Variants in ZFHX3 observed in about 807,000 individuals in gnomAD.
ZFHX3 encodes the protein zinc finger homeobox 3.
ZFHX3 carries 42 observed loss-of-function variants against 279.1 expected under a neutral mutation model. That is an observed-to-expected ratio of 0.15 (90% CI 0.12 to 0.19). The LOEUF (loss-of-function observed/expected upper bound fraction) is 0.19. Ranked by LOEUF, ZFHX3 falls within the 10% of genes least tolerant of loss-of-function variation. ZFHX3 has a pLI of 1.00. For synonymous variants in ZFHX3, 2,293 were observed against 1,957.8 expected (o/e 1.17, Z -4.52); for missense variants, 4,981 against 4,754.0 (o/e 1.05, Z -1.40).
At chr16:73,250,456 C>T (rs999961448) in intron 5 of ZFHX3, among the ~76,000 whole-genome samples, 1 of 152,106 alleles carries the variant, frequency 6.6e-6, no homozygotes, top group Non-Finnish European at 1.5e-5. Flanking sequence ...TTTAATTTTA[C>T]AATTCAGTGG....
At chr16:73,613,111 G>C (rs2052264249) in intron 2 of ZFHX3, among the ~76,000 whole-genome samples, 1 of 152,138 alleles carries the variant, frequency 6.6e-6, no homozygotes, top group Non-Finnish European at 1.5e-5. Context: ...TATTTATATA[G>C]TGAAAATTAA....
intron 2 of ZFHX3, among the ~76,000 whole-genome samples, chr16:73,614,501 G>C (rs1223452005): frequency 6.6e-6 from 1 of 152,102 alleles, no homozygotes; most frequent in East Asian, 1.9e-4. Context: ...AAAATGAAAA[G>C]ATTCCACGGG....
intron 4 of ZFHX3, among the ~76,000 whole-genome samples, chr16:72,879,694 G>C (rs189660856): frequency 6.6e-6 from 1 of 152,304 alleles, no homozygotes; most frequent in African/African-American, 2.4e-5. Context: ...CCAAAGTGCT[G>C]GATTACAGGT....
chr16:73,130,904 G>C, intron 7 of ZFHX3: 1 of 1,264,078 alleles, frequency 7.9e-7, no homozygotes, highest in South Asian at 1.3e-5. Context: ...CAACACGCTG[G>C]GCCCAGACAG....
chr16:73,042,188 C>T (rs933188055), intron 1 of ZFHX3, among the ~76,000 whole-genome samples: 2 of 152,106 alleles, frequency 1.3e-5, no homozygotes, highest in Non-Finnish European at 2.9e-5. Flanking sequence ...ACTTATATGA[C>T]TTTTTCAGGG....
At chr16:73,784,849 A>G (rs1427206242) in intron 1 of ZFHX3, among the ~76,000 whole-genome samples, 1 of 149,926 alleles carries the variant, frequency 6.7e-6, no homozygotes, top group African/African-American at 2.4e-5. Flanking sequence ...ATAGTCTGAA[A>G]AAGCCAAGCA....
intron 4 of ZFHX3, among the ~76,000 whole-genome samples, chr16:72,854,615 G>A (rs9940385): frequency 0.032 from 4,886 of 152,224 alleles, 278 homozygotes; most frequent in African/African-American, 0.11. Context: ...AATAAGGGGG[G>A]AGGGACAAAC....
rs371525342 is a variant in ZFHX3 at position 73,439,546 on chromosome 16, C to G, written c.-1291+16457G>C. ...CTGAGCTGCTTACCGATGCTACACT[C>G]TTTCACTCCCTGTGTGATGTATGAA... On this transcript the variant is annotated intron_variant, in intron 3 of 17. Coordinates refer to the ZFHX3 transcript ENST00000641206. Among the ~76,000 whole-genome samples, 57 of 152,258 alleles carry G rather than the reference C, an allele frequency of 3.7e-4. 1 individual carries two copies. Among genetic ancestry groups the G allele is most frequent in the African/African-American group, 1.3e-3 (56 of 41,542 alleles).
intron 3 of ZFHX3, among the ~76,000 whole-genome samples, chr16:73,348,209 A>G (rs184859483): frequency 6.6e-6 from 1 of 152,310 alleles, no homozygotes; most frequent in Non-Finnish European, 1.5e-5. Context: ...GACATACTCC[A>G]TGTAATTACA....
chr16:73,499,862 G>C (rs2019204965), intron 2 of ZFHX3: 1 of 152,132 alleles, frequency 6.6e-6, no homozygotes, highest in Admixed American at 6.5e-5. Flanking sequence ...AATTTCCTAT[G>C]GCCCAGTCAC....
rs766393393 is a variant in ZFHX3, at chr16:73,542,923, G to A, written c.-1546-86665C>T. Among the ~76,000 whole-genome samples, 3 of 152,092 alleles carry A rather than the reference G, an allele frequency of 2.0e-5. No homozygotes were observed. The East Asian group carries it at 5.8e-4, about 29-fold the overall frequency. Reference sequence around the variant, plus strand: ...TCACTCTGTTGTGTAAATTTTGGGGGAAATGTATTCCTAACCCCTGGCTCC... The same window carrying A: ...TCACTCTGTTGTGTAAATTTTGGGGAAAATGTATTCCTAACCCCTGGCTCC... On this transcript the variant is annotated intron_variant, in intron 2 of 17. Coordinates refer to the ZFHX3 transcript ENST00000641206.
At chr16:73,132,179 G>A (rs893421035) in intron 6 of ZFHX3, among the ~76,000 whole-genome samples, 1 of 152,114 alleles carries the variant, frequency 6.6e-6, no homozygotes, top group Admixed American at 6.5e-5. Context: ...CAGCTACTCC[G>A]GAGGCTGATG....
At chr16:72,911,803 G>A (rs567416898) in intron 3 of ZFHX3, among the ~76,000 whole-genome samples, 51 of 152,334 alleles carry the variant, frequency 3.3e-4, no homozygotes, top group African/African-American at 1.1e-3. Context: ...GAAAGTTCTA[G>A]TGGACGGTGC....
chr16:73,139,948 C>T (rs1437953205), intron 6 of ZFHX3, among the ~76,000 whole-genome samples: 1 of 152,164 alleles, frequency 6.6e-6, no homozygotes, highest in Non-Finnish European at 1.5e-5. Context: ...GTGCTTCTTC[C>T]ACAAACCCCT....
intron 1 of ZFHX3, among the ~76,000 whole-genome samples, chr16:73,714,071 T>C (rs528054144): frequency 6.6e-6 from 1 of 152,276 alleles, no homozygotes; most frequent in East Asian, 1.9e-4. Context: ...GCCAGACTCG[T>C]ACTTACTGGC....
chr16:73,070,292 G>A (rs1965806294), intron 8 of ZFHX3, among the ~76,000 whole-genome samples: 2 of 152,038 alleles, frequency 1.3e-5, no homozygotes, highest in South Asian at 4.2e-4. Context: ...TCTAAACTGC[G>A]GCCGTGCAAT....
intron 4 of ZFHX3, among the ~76,000 whole-genome samples, chr16:72,845,805 T>G (rs1363794028): frequency 1.3e-5 from 2 of 151,982 alleles, no homozygotes; most frequent in African/African-American, 4.8e-5. Context: ...TATCTAACAA[T>G]AGCAACACAA....
chr16:73,811,340 T>G (rs1439173431), intron 1 of ZFHX3, among the ~76,000 whole-genome samples: 2 of 151,986 alleles, frequency 1.3e-5, no homozygotes, highest in Non-Finnish European at 2.9e-5. Context: ...ACTCTAAAAG[T>G]GATAGGTACA....
chr16:73,623,048 T>G (rs989391502), intron 2 of ZFHX3, among the ~76,000 whole-genome samples: 2 of 151,884 alleles, frequency 1.3e-5, no homozygotes, highest in African/African-American at 2.4e-5. Context: ...TATTTTTTTT[T>G]TTTGTTTAGA....
Sources: allele counts gnomAD v4.1 joint callset (sites outside exome capture counted in the v4.1 genomes callset), GRCh38; gene constraint gnomAD v4.1.1; transcripts MANE v1.5; gene names NCBI Gene and HGNC (gene_info 2026-07-23, HGNC 2026-07-21).